Variants in RGS5 observed in about 807,000 individuals in gnomAD.
The protein encoded by RGS5 is regulator of G-protein signalling 5.
RGS5 carries 20 observed loss-of-function variants against 18.9 expected under a neutral mutation model. The ratio of observed to expected loss-of-function variants is 1.06; its 90% CI spans 0.74 to 1.54. RGS5 has a LOEUF of 1.54. RGS5 is among the 40% of genes most tolerant of loss of function. The probability of loss-of-function intolerance (pLI) is 0.00; values close to 1 mark genes in which losing one functional copy is unlikely to be tolerated. For missense variants in RGS5, 201 were observed against 211.8 expected (o/e 0.95, Z 0.32); for synonymous variants, 57 against 76.2 (o/e 0.75, Z 1.31).
chr1:163,192,838 A>T (rs753516513), intron 1 of RGS5, among the ~76,000 whole-genome samples: 16 of 152,206 alleles, frequency 1.1e-4, no homozygotes, highest in Non-Finnish European at 2.4e-4. Context: ...CCAAGTACAC[A>T]GGTTATGTGG....
intron 2 of RGS5, among the ~76,000 whole-genome samples, chr1:163,294,452 C>T (rs920485839): frequency 3.3e-5 from 5 of 152,208 alleles, no homozygotes; most frequent in African/African-American, 9.6e-5. Flanking sequence ...CTGGAGCAGC[C>T]GGGATGCAGG....
At chr1:163,275,191 C>T (rs996732018) in intron 2 of RGS5, among the ~76,000 whole-genome samples, 1 of 152,188 alleles carries the variant, frequency 6.6e-6, no homozygotes, top group African/African-American at 2.4e-5. Flanking sequence ...TTTCACACAT[C>T]TCCTCTGTCT....
chr1:163,190,124 A>T (rs1159007527), intron 1 of RGS5, among the ~76,000 whole-genome samples: 3 of 152,168 alleles, frequency 2.0e-5, no homozygotes, highest in African/African-American at 7.2e-5. Flanking sequence ...TGCTAATTGA[A>T]CACACTAAAT....
intron 2 of RGS5, among the ~76,000 whole-genome samples, chr1:163,233,770 G>A (rs1405248140): frequency 6.6e-6 from 1 of 152,128 alleles, no homozygotes; most frequent in African/African-American, 2.4e-5. Flanking sequence ...CTTAAGGGTG[G>A]GGAGGGTGTA....
chr1:163,243,672 T>G (rs34702952), intron 2 of RGS5, among the ~76,000 whole-genome samples: 19,293 of 116,340 alleles, frequency 0.17, 1,644 homozygotes, highest in Non-Finnish European at 0.21. Context: ...AAAACCTAGA[T>G]GACAGGTTGA....
chr1:163,195,114 A>T (rs1209499060), intron 1 of RGS5, among the ~76,000 whole-genome samples: 1 of 152,202 alleles, frequency 6.6e-6, no homozygotes, highest in African/African-American at 2.4e-5. Context: ...AGAAGTCATT[A>T]TATGAAGACA....
At chr1:163,266,709 T>A (rs1648581044) in intron 2 of RGS5, 1 of 152,122 alleles carries the variant, frequency 6.6e-6, no homozygotes, top group Non-Finnish European at 1.5e-5. Flanking sequence ...GTACTAATAG[T>A]TTTCCTTGTC....
chr1:163,238,184 G>A (rs1647680496), intron 2 of RGS5: 1 of 152,192 alleles, frequency 6.6e-6, no homozygotes, highest in African/African-American at 2.4e-5. Flanking sequence ...GATCACGACT[G>A]GCTGATAAAA....
chr1:163,232,322 T>G (rs1647503463), intron 2 of RGS5, among the ~76,000 whole-genome samples: 1 of 152,184 alleles, frequency 6.6e-6, no homozygotes, highest in African/African-American at 2.4e-5. Context: ...TCATACTCAA[T>G]GAAAGTTTCC....
At chr1:163,159,117 A>G (rs1369550580) in intron 3 of RGS5, among the ~76,000 whole-genome samples, 1 of 152,188 alleles carries the variant, frequency 6.6e-6, no homozygotes, top group Non-Finnish European at 1.5e-5. Context: ...TGTTCCCTGA[A>G]CATTGCTGTT....
chr1:163,182,051 A>G (rs4291481), intron 1 of RGS5, among the ~76,000 whole-genome samples: 68,081 of 151,900 alleles, frequency 0.45, 16,105 homozygotes, highest in East Asian at 0.71. Flanking sequence ...TAAATACTCA[A>G]TAAATGTTAC....
In RGS5 at chr1:163,146,087, T is replaced by C. The variant is rs1657115926; in HGVS notation, c.*1255A>G. On this transcript the variant is annotated 3_prime_UTR_variant, in exon 5 of 5. Transcript: ENST00000313961. ...AGACTTATAATCATGAAATACAGAA[T>C]TAAAAGTTTAAACCTACCAAAAGTC... 1 of 152,154 alleles carries C rather than the reference T, an allele frequency of 6.6e-6. No individual in the cohort carries two copies. Among genetic ancestry groups the C allele is most frequent in the South Asian group, 2.1e-4 (1 of 4,832 alleles). 9.4% of individuals were successfully genotyped at this position (152,154 alleles called of 1,614,324 possible). A position where few individuals can be genotyped will look rare whatever the true frequency, so the allele number is the denominator to read the frequency against.
chr1:163,316,852 T>C (rs1234539114), intron 1 of RGS5, among the ~76,000 whole-genome samples: 6 of 152,184 alleles, frequency 3.9e-5, no homozygotes, highest in Admixed American at 6.5e-5. Context: ...ACTATTACTT[T>C]GTTAGACGCA....
intron 1 of RGS5, among the ~76,000 whole-genome samples, chr1:163,182,473 A>G (rs2102417364): frequency 6.6e-6 from 1 of 152,286 alleles, no homozygotes; most frequent in East Asian, 1.9e-4. Context: ...TCCCGTGGAA[A>G]TTGAGATATT....
intron 1 of RGS5, among the ~76,000 whole-genome samples, chr1:163,168,733 C>T (rs1336223401): frequency 4.6e-5 from 7 of 152,176 alleles, no homozygotes; most frequent in African/African-American, 1.7e-4. Flanking sequence ...TTGGTGGAGA[C>T]AGATGTGAGC....
chr1:163,159,465 C>T (rs904841397), intron 3 of RGS5, among the ~76,000 whole-genome samples: 38 of 152,296 alleles, frequency 2.5e-4, no homozygotes, highest in African/African-American at 6.7e-4. Flanking sequence ...TGGCTTCAGT[C>T]GATCCCTCCA....
chr1:163,203,110 A>G (rs1220765994), upstream of RGS5: 2 of 372,994 alleles, frequency 5.4e-6, no homozygotes, highest in African/African-American at 4.1e-5. Context: ...TTATCACAAC[A>G]CTCTCTTGCT....
At chr1:163,233,068 C>A (rs770667122) in intron 2 of RGS5, among the ~76,000 whole-genome samples, 10 of 152,096 alleles carry the variant, frequency 6.6e-5, no homozygotes, top group Non-Finnish European at 1.3e-4. Flanking sequence ...ATGATGTTGA[C>A]ATTTTTGGAG....
chr1:163,231,336 A>T (rs61812161), intron 2 of RGS5, among the ~76,000 whole-genome samples: 14,693 of 152,234 alleles, frequency 0.097, 984 homozygotes, highest in South Asian at 0.2. Context: ...TTTTACAGGC[A>T]AGAAAACAGA....
Sources: allele counts gnomAD v4.1 joint callset (sites outside exome capture counted in the v4.1 genomes callset), GRCh38; gene constraint gnomAD v4.1.1; transcripts MANE v1.5; gene names NCBI Gene and HGNC (gene_info 2026-07-23, HGNC 2026-07-21).